Variants in RAB39A observed in about 807,000 individuals in gnomAD.
RAB39A encodes the protein RAB39A, member RAS oncogene family, also known as ras-related protein Rab-39A.
Under a neutral mutation model 20.9 loss-of-function variants are expected in RAB39A, and 17 were observed. That is an observed-to-expected ratio of 0.81 (90% CI 0.56 to 1.22). The LOEUF is 1.22. Among genes scored for constraint, RAB39A ranks in the 50% most tolerant of loss-of-function variants. The probability of loss-of-function intolerance (pLI) is 0.00; values close to 1 mark genes in which losing one functional copy is unlikely to be tolerated. For missense variants in RAB39A, 234 were observed against 270.5 expected (o/e 0.87, Z 0.95); for synonymous variants, 99 against 103.4 (o/e 0.96, Z 0.26).
chr11:107,932,165 C>G (rs987166272), intron 1 of RAB39A, among the ~76,000 whole-genome samples: 1 of 152,042 alleles, frequency 6.6e-6, no homozygotes, highest in African/African-American at 2.4e-5. Context: ...GCCAGGCCAG[C>G]CTTAGTTTTC....
chr11:107,928,471 C>A lies in RAB39A; in HGVS notation c.-98C>A. ...GCAGCCGCAGGAATATGCTGGAAGG[C>A]GGCGGGCGGGCGCCCGCGAGGTGCT... On this transcript the variant is annotated 5_prime_UTR_variant, in exon 1 of 2. Coordinates refer to ENST00000320578, the MANE Select transcript of RAB39A (RefSeq NM_017516.3). The surrounding 1 kb of genome is among the most constrained non-coding windows in gnomAD (Gnocchi z 4.9). The A allele has an allele frequency of 3.4e-6, 3 of 886,632 alleles. No homozygotes were observed. The highest frequency in any genetic ancestry group is 4.6e-6 in the Non-Finnish European group (3 of 645,886). The allele number at this position is 886,632 out of a possible 1,614,324, so 54.9% of individuals were successfully genotyped here.
intron 1 of RAB39A, among the ~76,000 whole-genome samples, chr11:107,939,210 C>G (rs533049528): frequency 6.8e-6 from 1 of 147,302 alleles, no homozygotes; most frequent in Non-Finnish European, 1.5e-5. Flanking sequence ...TGCCACTGCA[C>G]TCCAGCCTGG....
intron 1 of RAB39A, among the ~76,000 whole-genome samples, chr11:107,934,903 T>C (rs1414729930): frequency 8.0e-6 from 1 of 124,784 alleles, no homozygotes; most frequent in East Asian, 2.3e-4. Flanking sequence ...CACTCCAGCC[T>C]GGGGGACAAG....
intron 1 of RAB39A, among the ~76,000 whole-genome samples, chr11:107,954,610 G>A (rs1861415135): frequency 6.6e-6 from 1 of 152,172 alleles, no homozygotes; most frequent in African/African-American, 2.4e-5. Context: ...GTTCTCCATT[G>A]AGCGTGGCTT....
chr11:107,946,404 G>A (rs12295988), intron 1 of RAB39A, among the ~76,000 whole-genome samples: 1 of 11,326 alleles, frequency 8.8e-5, no homozygotes, highest in African/African-American at 3.1e-4. Context: ...ATATGTGTGT[G>A]TGTGTGTGTG....
In RAB39A at chr11:107,934,139, A is replaced by G. The variant is rs182601765; in HGVS notation, c.227+5344A>G. 1.2e-3 allele frequency among the ~76,000 whole-genome samples: 178 copies of G among 152,296 alleles called. 5 individuals are homozygous for G. On this transcript the variant is annotated intron_variant, in intron 1 of 1. Coordinates refer to ENST00000320578, the MANE Select transcript of RAB39A (RefSeq NM_017516.3). ...TTTAGGGGCTATTTTTAAAATATGAAAATCTAGGCTGGATGCGGTGAGTCA... is the reference window on the plus strand; with the variant it reads ...TTTAGGGGCTATTTTTAAAATATGAGAATCTAGGCTGGATGCGGTGAGTCA...
chr11:107,936,392 C>T (rs1447845658), intron 1 of RAB39A, among the ~76,000 whole-genome samples: 1 of 145,082 alleles, frequency 6.9e-6, no homozygotes, highest in Non-Finnish European at 1.6e-5. Flanking sequence ...TTCCTTTTAG[C>T]TTATCTTCCC....
Position 107,962,058 on chromosome 11 carries a change from T to C in RAB39A, c.340T>C (p.Tyr114His), listed in dbSNP as rs1035989007. The change falls in exon 2 of 2, where the codon TAT (tyrosine) becomes CAT (histidine). Residue 114 changes from tyrosine (Y) to histidine (H), a missense_variant. Coordinates refer to ENST00000320578, the MANE Select transcript of RAB39A (RefSeq NM_017516.3). ...VKDWLEEAKMYVQPFRIVFLL... is the reference protein window; with the variant it reads ...VKDWLEEAKMHVQPFRIVFLL... Reference sequence around the variant, plus strand: ...AGATTGGCTAGAAGAAGCAAAAATGTATGTACAGCCATTTCGGATTGTATT... The same window carrying C: ...AGATTGGCTAGAAGAAGCAAAAATGCATGTACAGCCATTTCGGATTGTATT... The C allele has an allele frequency of 6.2e-7, 1 of 1,614,136 alleles. No homozygotes were observed. The highest frequency in any genetic ancestry group is 8.5e-7 in the Non-Finnish European group (1 of 1,179,996).
In RAB39A at chr11:107,950,764, T is replaced by TAA. The variant is rs5794581; in HGVS notation, c.228-11166_228-11165dup. ...CTGGGCGACAGAGCGAGACCCTGTC[T>TAA]AAAAAAAAAAAAAAAAAGACAAAAT... On this transcript the variant is annotated intron_variant, in intron 1 of 1. Transcript: ENST00000320578. Among the ~76,000 whole-genome samples, 450 of 131,316 alleles carry TAA rather than the reference T, an allele frequency of 3.4e-3. 3 individuals carry two copies. Among genetic ancestry groups the TAA allele is most frequent in the South Asian group, 0.022 (90 of 4,096 alleles). The allele number at this position is 131,316 out of a possible 152,430, so 86.1% of individuals were successfully genotyped here. A position where few individuals can be genotyped will look rare whatever the true frequency, so the allele number is the denominator to read the frequency against.
At chr11:107,953,070 T>C (rs915912884) in intron 1 of RAB39A, among the ~76,000 whole-genome samples, 2 of 152,120 alleles carry the variant, frequency 1.3e-5, no homozygotes, top group Non-Finnish European at 2.9e-5. Flanking sequence ...TCATGTAAGA[T>C]GAGAAATTTC....
Position 107,928,558 on chromosome 11 carries a change from G to C in RAB39A, c.-11G>C. The C allele has an allele frequency of 6.9e-7, 1 of 1,458,078 alleles. No homozygotes were observed. Among genetic ancestry groups the C allele is most frequent in the Non-Finnish European group, 9.2e-7 (1 of 1,085,652 alleles). 90.3% of individuals were successfully genotyped at this position (1,458,078 alleles called of 1,614,324 possible). A position where few individuals can be genotyped will look rare whatever the true frequency, so the allele number is the denominator to read the frequency against. On this transcript the variant is annotated 5_prime_UTR_variant, in exon 1 of 2. Coordinates refer to ENST00000320578, the MANE Select transcript of RAB39A (RefSeq NM_017516.3). The surrounding 1 kb of genome is among the most constrained non-coding windows in gnomAD (Gnocchi z 4.9). ...GTGGGGCGGCCCGGGAGCCAGCGGGGCACGTGAGCGATGGAGACCATCTGG... is the reference window on the plus strand; with the variant it reads ...GTGGGGCGGCCCGGGAGCCAGCGGGCCACGTGAGCGATGGAGACCATCTGG...
intron 1 of RAB39A, among the ~76,000 whole-genome samples, chr11:107,947,233 C>T (rs1861328404): frequency 6.6e-6 from 1 of 152,012 alleles, no homozygotes; most frequent in African/African-American, 2.4e-5. Context: ...TCCCGAGTAG[C>T]TGGGACTACA....
chr11:107,935,500 G>A (rs565636294), intron 1 of RAB39A, among the ~76,000 whole-genome samples: 3 of 151,196 alleles, frequency 2.0e-5, no homozygotes, highest in Non-Finnish European at 4.4e-5. Flanking sequence ...TCAGCCTCCC[G>A]AGTAGCTGGG....
At chr11:107,961,434 C>T (rs1015256622) in intron 1 of RAB39A, among the ~76,000 whole-genome samples, 1 of 152,146 alleles carries the variant, frequency 6.6e-6, no homozygotes, top group Non-Finnish European at 1.5e-5. Flanking sequence ...CCTAATACCA[C>T]CACATTAGGG....
At chr11:107,948,711 A>AT (rs1453180267) in intron 1 of RAB39A, among the ~76,000 whole-genome samples, 2 of 152,070 alleles carry the variant, frequency 1.3e-5, no homozygotes, top group Admixed American at 1.3e-4. Context: ...AAGTGCTGGG[A>AT]TTACAAGCGT....
intron 1 of RAB39A, among the ~76,000 whole-genome samples, chr11:107,951,344 G>A (rs1861376762): frequency 6.6e-6 from 1 of 152,170 alleles, no homozygotes; most frequent in African/African-American, 2.4e-5. Flanking sequence ...GTAATGTCAT[G>A]CTGAAAAACA....
chr11:107,947,971 TAC>T (rs1475781582), intron 1 of RAB39A, among the ~76,000 whole-genome samples: 694 of 46,942 alleles, frequency 0.015, 4 homozygotes, highest in African/African-American at 0.034. Context: ...AGATGTGCTA[TAC>T]ACACACGTAC....
At chr11:107,961,458 A>G (rs1198732403) in intron 1 of RAB39A, among the ~76,000 whole-genome samples, 1 of 152,136 alleles carries the variant, frequency 6.6e-6, no homozygotes, top group African/African-American at 2.4e-5. Flanking sequence ...GCATTTCAAC[A>G]TAAGAATTTG....
chr11:107,930,888 A>T (rs556877223), intron 1 of RAB39A, among the ~76,000 whole-genome samples: 1 of 151,872 alleles, frequency 6.6e-6, no homozygotes, highest in South Asian at 2.1e-4. Flanking sequence ...AAGTAGCTCA[A>T]CTTATTGACA....
Sources: gnomAD v4.1 joint callset for allele counts (sites outside exome capture counted in the v4.1 genomes callset) on GRCh38, gnomAD v4.1.1 for gene constraint, Gnocchi (gnomAD v3.1) non-coding constraint, MANE v1.5 for transcripts, NCBI Gene and HGNC (gene_info 2026-07-23, HGNC 2026-07-21) for gene names.